Variants in NDC80 observed in about 807,000 individuals in gnomAD.
NDC80 encodes NDC80 kinetochore complex component, also known as kinetochore protein NDC80 homolog.
Under a neutral mutation model 89.3 loss-of-function variants are expected in NDC80, and 69 were observed. The observed-to-expected ratio is 0.77, with a 90% CI of 0.64 to 0.94. The LOEUF (loss-of-function observed/expected upper bound fraction) is 0.94. Ranked by LOEUF, NDC80 falls within the 40% of genes least tolerant of loss-of-function variation. The pLI, the probability that NDC80 is intolerant of heterozygous loss-of-function variation, is 0.00. For missense variants in NDC80, 593 were observed against 739.6 expected (o/e 0.80, Z 2.30); for synonymous variants, 243 against 255.6 (o/e 0.95, Z 0.47).
intron 13 of NDC80, 138 bp downstream of exon 13, chr18:2,601,623 T>C (rs1442342): frequency 0.8 from 333,869 of 417,478 alleles, 134,425 homozygotes; most frequent in East Asian, 0.92. Context: ...TTGGGTATGC[T>C]CTCGACAGAA....
intron 7 of NDC80, 44 bp downstream of exon 7, chr18:2,585,246 AT>A: frequency 7.0e-7 from 1 of 1,432,700 alleles, no homozygotes; most frequent in Non-Finnish European, 9.8e-7. Context: ...TTGCCTTGAT[AT>A]TATTGTGTCA....
At chr18:2,593,834 T>G in intron 10 of NDC80, 1 of 302,196 alleles carries the variant, frequency 3.3e-6, no homozygotes, top group Non-Finnish European at 6.6e-6. Flanking sequence ...TTATAATTTC[T>G]GTTTGGATGA....
chr18:2,574,748 A>C (rs1179130741), intron 2 of NDC80, among the ~76,000 whole-genome samples: 1 of 152,190 alleles, frequency 6.6e-6, no homozygotes, highest in African/African-American at 2.4e-5. Context: ...AAATCTACCA[A>C]AGGGTACATA....
chr18:2,604,380 G>C (rs546455510), intron 13 of NDC80, among the ~76,000 whole-genome samples: 2 of 152,298 alleles, frequency 1.3e-5, no homozygotes, highest in Admixed American at 1.3e-4. Flanking sequence ...TTGAGGACCA[G>C]AGACCAAGGA....
At chr18:2,576,104 A>T (rs1001982222) in intron 3 of NDC80, among the ~76,000 whole-genome samples, 1 of 152,206 alleles carries the variant, frequency 6.6e-6, no homozygotes, top group Non-Finnish European at 1.5e-5. Flanking sequence ...GTCTCAAAAA[A>T]ATAAATGTAA....
intron 9 of NDC80, 65 bp downstream of exon 9, chr18:2,589,375 T>C (rs550453440): frequency 2.1e-5 from 23 of 1,085,800 alleles, no homozygotes; most frequent in Middle Eastern, 2.7e-4. Flanking sequence ...CCTTGGATAT[T>C]AGCTGTCTTT....
intron 16 of NDC80, among the ~76,000 whole-genome samples, chr18:2,611,661 C>T (rs1019109147): frequency 6.6e-6 from 1 of 152,094 alleles, no homozygotes; most frequent in African/African-American, 2.4e-5. Context: ...AACTATCCCT[C>T]CAACCTGCTG....
intron 13 of NDC80, among the ~76,000 whole-genome samples, chr18:2,605,428 A>G (rs529820641): frequency 1.8e-4 from 28 of 152,264 alleles, no homozygotes; most frequent in Admixed American, 3.9e-4. Flanking sequence ...GAAGCTGCTC[A>G]GAGATGAGTA....
rs146680840 is a variant in NDC80 at position 2,581,795 on chromosome 18, T to C, written c.579+2766T>C. On this transcript the variant is annotated intron_variant, in intron 6 of 16. Coordinates refer to ENST00000261597, the MANE Select transcript of NDC80 (RefSeq NM_006101.3). ...CTGTCACTTTCTAATATATTTTATC[T>C]AGAAGATGAACATTCTTACTTCTTT... 3.7e-3 allele frequency among the ~76,000 whole-genome samples: 562 copies of C among 152,324 alleles called. 5 individuals carry two copies. Among genetic ancestry groups the C allele is most frequent in the African/African-American group, 0.013 (546 of 41,562 alleles).
chr18:2,616,497 G>A lies in NDC80; in HGVS notation c.1852G>A (p.Asp618Asn), dbSNP rs2072784378. The A allele has an allele frequency of 1.3e-6, 2 of 1,529,984 alleles. No individual in the cohort carries two copies. The highest frequency in any genetic ancestry group is 1.4e-5 in the African/African-American group (1 of 71,632). The allele number at this position is 1,529,984 out of a possible 1,614,324, so 94.8% of individuals were successfully genotyped here. A position where few individuals can be genotyped will look rare whatever the true frequency, so the allele number is the denominator to read the frequency against. The change falls in exon 17 of 17, where the codon GAT becomes AAT. Residue 618 changes from aspartate to asparagine, a missense_variant. Transcript: ENST00000261597. ...AGAATATGAAGAATGCATGTCAGAAGATCTCTCGGAAAATATTAAAGAGAT... is the reference window on the plus strand; with the variant it reads ...AGAATATGAAGAATGCATGTCAGAAAATCTCTCGGAAAATATTAAAGAGAT... ...DREYEECMSEDLSENIKEIRD... is the reference protein window; with the variant it reads ...DREYEECMSENLSENIKEIRD...
chr18:2,608,236 C>T (rs1332882191), intron 14 of NDC80, among the ~76,000 whole-genome samples: 2 of 150,582 alleles, frequency 1.3e-5, no homozygotes, highest in Non-Finnish European at 1.5e-5. Flanking sequence ...GACAGTGTCT[C>T]GCTCTGTCGC....
At chr18:2,577,907 A>G in intron 4 of NDC80, 38 bp downstream of exon 4, 2 of 1,610,334 alleles carry the variant, frequency 1.2e-6, no homozygotes, top group Non-Finnish European at 1.7e-6. Context: ...GATTGTTGTC[A>G]TAGGTATTTT....
intron 13 of NDC80, among the ~76,000 whole-genome samples, chr18:2,605,306 GTGTGTGTGTGTGTGTGTGTGTGTA>G (rs1312906656): frequency 2.8e-5 from 4 of 144,718 alleles, no homozygotes; most frequent in African/African-American, 1.1e-4. Flanking sequence ...GTGTGTGTGT[GTGTGTGTGTGTGTGTGTGTGTGTA>G]TGTACACAAT....
At chr18:2,579,064 G>T (rs971804727) in intron 6 of NDC80, 35 bp downstream of exon 6, 5 of 1,317,720 alleles carry the variant, frequency 3.8e-6, no homozygotes, top group East Asian at 2.6e-5. Flanking sequence ...GTATACATGG[G>T]AAAGGGTTTT....
chr18:2,593,057 T>TGTGTGTGTGTC (rs1491312738), intron 10 of NDC80, among the ~76,000 whole-genome samples: 7 of 69,338 alleles, frequency 1.0e-4, no homozygotes, highest in African/African-American at 4.9e-4. Context: ...TGTGTGTGTC[T>TGTGTGTGTGTC]TTTTTTTTTT....
At chr18:2,588,620 A>C (rs1174698041) in intron 8 of NDC80, among the ~76,000 whole-genome samples, 1 of 152,214 alleles carries the variant, frequency 6.6e-6, no homozygotes, top group Admixed American at 6.5e-5. Context: ...GTATTATCAC[A>C]AAAGCTGAAA....
rs184475345 is a variant in NDC80 at position 2,606,565 on chromosome 18, T to G, written c.1557+58T>G. 829 of 1,092,064 alleles carry G rather than the reference T, an allele frequency of 7.6e-4. 1 individual carries two copies. Among genetic ancestry groups the G allele is most frequent in the Non-Finnish European group, 1.0e-3 (758 of 738,050 alleles). The allele number at this position is 1,092,064 out of a possible 1,614,324, so 67.6% of individuals were successfully genotyped here. ...CAAAAGCTATGTCATGATTGCTTGA[T>G]GAGTCACATATTCTGACATCAAAAT... On this transcript the variant is annotated intron_variant, in intron 14 of 16. Coordinates refer to ENST00000261597, the MANE Select transcript of NDC80 (RefSeq NM_006101.3).
intron 16 of NDC80, chr18:2,614,948 G>A (rs989324085): frequency 7.9e-5 from 12 of 152,162 alleles, no homozygotes; most frequent in Admixed American, 3.3e-4. Context: ...GATCGTGTGC[G>A]GACAGAGGCG....
At chr18:2,587,968 T>G (rs2072610383) in intron 8 of NDC80, 45 bp downstream of exon 8, 16 of 1,477,762 alleles carry the variant, frequency 1.1e-5, no homozygotes, top group African/African-American at 1.4e-5. Flanking sequence ...GTCATTTCAC[T>G]CTGCTCATGG....
Sources: gnomAD v4.1 joint callset for allele counts (sites outside exome capture counted in the v4.1 genomes callset) on GRCh38, gnomAD v4.1.1 for gene constraint, MANE v1.5 for transcripts, NCBI Gene and HGNC (gene_info 2026-07-23, HGNC 2026-07-21) for gene names.